Variants in NPHP4 observed in about 807,000 individuals in gnomAD.
The protein encoded by NPHP4 is nephrocystin-4.
Under a neutral mutation model 155.8 loss-of-function variants are expected in NPHP4, and 151 were observed. The ratio of observed to expected loss-of-function variants is 0.97; its 90% CI spans 0.85 to 1.11. NPHP4 has a LOEUF of 1.11. NPHP4 is among the 50% of genes least tolerant of loss of function. The probability of loss-of-function intolerance (pLI) is 0.00; values close to 1 mark genes in which losing one functional copy is unlikely to be tolerated. For synonymous variants in NPHP4, 845 were observed against 816.8 expected, an observed-to-expected ratio of 1.03 and a Z score of -0.59; for missense variants, 1,956 against 1,925.7, an observed-to-expected ratio of 1.02 and a Z score of -0.29.
Position 5,961,827 on chromosome 1 carries a change from T to C in NPHP4, c.640A>G (p.Ile214Val). 6.2e-7 allele frequency: 1 copy of C among 1,613,402 alleles called. No homozygotes were observed. Among genetic ancestry groups the C allele is most frequent in the Non-Finnish European group, 8.5e-7 (1 of 1,179,628 alleles). ...ENLLVSGLQQ[I>V]PGLLPAHGES... ...CCATGAGCTGGAAGCAGGCCAGGTA[T>C]CTGCTGCAGACCAGACACCAGAAGG... The change falls in exon 6 of 30, where the codon ATA becomes GTA. Residue 214 changes from isoleucine to valine, a missense_variant. By Grantham distance (29) the Ile-to-Val change is conservative. Transcript: ENST00000378156.
At chr1:5,865,063 T>G (rs201246623) in intron 27 of NPHP4, 39 bp downstream of exon 27, 1 of 1,597,576 alleles carries the variant, frequency 6.3e-7, no homozygotes, top group Non-Finnish European at 8.6e-7. Flanking sequence ...CAGGCTGGGG[T>G]TGGGGAGAGG....
At chr1:5,863,461 C>T (rs1640849867) in intron 29 of NPHP4, 56 bp from the exon 30 acceptor site, 1 of 1,584,570 alleles carries the variant, frequency 6.3e-7, no homozygotes, top group Non-Finnish European at 8.6e-7. Context: ...CACGCTCTCA[C>T]CAGCAACCTC....
chr1:5,913,137 G>C (rs1367017539), intron 11 of NPHP4, among the ~76,000 whole-genome samples: 1 of 139,806 alleles, frequency 7.2e-6, no homozygotes, highest in East Asian at 2.1e-4. Context: ...GGCAAAAAGA[G>C]TGAGACTCCA....
At chr1:5,954,599 G>A (rs576602552) in intron 6 of NPHP4, among the ~76,000 whole-genome samples, 2 of 152,290 alleles carry the variant, frequency 1.3e-5, no homozygotes, top group East Asian at 1.9e-4. Flanking sequence ...CTGGGGAAAA[G>A]GCAGTCTCTT....
intron 5 of NPHP4, among the ~76,000 whole-genome samples, chr1:5,964,953 T>TTTTTTTTTTTTTTTTTTTTTTTTTTTTG: frequency 8.7e-6 from 1 of 114,778 alleles, no homozygotes; most frequent in African/African-American, 3.2e-5. Flanking sequence ...TTTTTTTTTT[T>TTTTTTTTTTTTTTTTTTTTTTTTTTTTG]GAGGCAGGGT....
intron 23 of NPHP4, among the ~76,000 whole-genome samples, chr1:5,872,696 A>G (rs1342648346): frequency 1.3e-5 from 2 of 152,258 alleles, no homozygotes; most frequent in Non-Finnish European, 2.9e-5. Flanking sequence ...AAGCTTTTTA[A>G]TTTTGTTTTT....
chr1:5,923,084 CA>C (rs1414075316), intron 11 of NPHP4, among the ~76,000 whole-genome samples: 1 of 152,198 alleles, frequency 6.6e-6, no homozygotes, highest in Non-Finnish European at 1.5e-5. Context: ...AGGCGGAGAG[CA>C]TGAGCCAAGA....
intron 13 of NPHP4, among the ~76,000 whole-genome samples, chr1:5,906,073 G>A (rs528408986): frequency 6.6e-5 from 10 of 152,364 alleles, no homozygotes; most frequent in Admixed American, 6.5e-4. Flanking sequence ...AATCCAATGT[G>A]TGAGTTGAGA....
intron 2 of NPHP4, among the ~76,000 whole-genome samples, chr1:5,985,800 T>C (rs1167935117): frequency 1.3e-5 from 2 of 152,246 alleles, no homozygotes; most frequent in Admixed American, 6.5e-5. Flanking sequence ...GATGGGACTC[T>C]ATCCTGTTTA....
In NPHP4 at chr1:5,890,830, C is replaced by T; in HGVS notation, c.2304+38G>A. 2 of 1,584,096 alleles carry T rather than the reference C, an allele frequency of 1.3e-6. No homozygotes were observed. Among genetic ancestry groups the T allele is most frequent in the Non-Finnish European group, 1.7e-6 (2 of 1,159,336 alleles). On this transcript the variant is annotated intron_variant, in intron 17 of 29. Transcript: ENST00000378156. This position sits in a 1 kb window ranked among gnomAD's most constrained non-coding sequence, Gnocchi z 4.9. ...AGCGTGACTCGTCCCATGAGGGACG[C>T]AGCACCCACTGTGCCTGTCCTTCCA... is the stretch of plus-strand genomic sequence containing the variant.
chr1:5,991,421 C>T (rs1267874434), intron 1 of NPHP4: 2 of 152,286 alleles, frequency 1.3e-5, no homozygotes, highest in East Asian at 1.9e-4. Flanking sequence ...CAGAAATACT[C>T]CTCCTTTTGC....
At chr1:5,981,751 T>C (rs531215823) in intron 2 of NPHP4, among the ~76,000 whole-genome samples, 1 of 152,378 alleles carries the variant, frequency 6.6e-6, no homozygotes, top group East Asian at 1.9e-4. Context: ...TGATTGATCT[T>C]TGTAAATAAA....
chr1:5,964,941 A>ATATATATATATATTTTTTTTTTTTTTTT, intron 5 of NPHP4, among the ~76,000 whole-genome samples: 3 of 59,404 alleles, frequency 5.1e-5, no homozygotes, highest in African/African-American at 2.5e-4. Flanking sequence ...ATATATATAT[A>ATATATATATATATTTTTTTTTTTTTTTT]TTTTTTTTTT....
chr1:5,863,560 C>G, intron 29 of NPHP4, 155 bp from the exon 30 acceptor site: 2 of 823,886 alleles, frequency 2.4e-6, no homozygotes, highest in African/African-American at 1.7e-5. Context: ...ACTTCAGCGC[C>G]CGGTACAAGG....
rs114345763 is a variant in NPHP4 at position 5,962,528 on chromosome 1, G to A, written c.518-579C>T. ...TGCCTGCCTTTGTGTGTCAGCACTT[G>A]TATCCACCAAGCCCCAAACGGAGGA... is the stretch of plus-strand genomic sequence containing the variant. On this transcript the variant is annotated intron_variant, in intron 5 of 29. Coordinates refer to ENST00000378156, the MANE Select transcript of NPHP4 (RefSeq NM_015102.5). Among the ~76,000 whole-genome samples the A allele has an allele frequency of 3.4e-3, 520 of 152,296 alleles. 4 individuals are homozygous for A. The highest frequency in any genetic ancestry group is 0.012 in the African/African-American group (498 of 41,564).
chr1:5,982,931 C>T (rs913588148), intron 2 of NPHP4, among the ~76,000 whole-genome samples: 3 of 152,144 alleles, frequency 2.0e-5, no homozygotes, highest in Non-Finnish European at 4.4e-5. Context: ...TTTAATGGCC[C>T]AGCATACGGT....
chr1:5,908,760 A>G (rs991545014), intron 12 of NPHP4, among the ~76,000 whole-genome samples: 8 of 152,338 alleles, frequency 5.3e-5, no homozygotes, highest in African/African-American at 1.7e-4. Context: ...GGGGACACCA[A>G]TAGCTGCCAG....
In NPHP4 at chr1:5,874,924, G is replaced by A; in HGVS notation, c.2994C>T (p.Pro998=). The change falls in exon 21 of 30, where the codon CCC becomes CCT. Residue 998 remains proline (P), a synonymous_variant. Transcript: ENST00000378156. The part of the protein sequence containing the change: ...AEFFEFVLKN[P]HNTQHTVTVE... ...CAGTCACCGTGTGCTGTGTGTTGTG[G>A]GGGTTCTTAAGCACAAACTCAAAGA... The A allele has an allele frequency of 1.9e-6, 3 of 1,613,790 alleles. No individual in the cohort carries two copies. Among genetic ancestry groups the A allele is most frequent in the South Asian group, 1.1e-5 (1 of 91,080 alleles).
At chr1:5,868,454 G>A in intron 23 of NPHP4, 1 of 230,340 alleles carries the variant, frequency 4.3e-6, no homozygotes, top group East Asian at 1.1e-4. Flanking sequence ...GTATTAATTG[G>A]GACAACTGAT....
Sources: gnomAD v4.1 joint callset for allele counts (sites outside exome capture counted in the v4.1 genomes callset) on GRCh38, gnomAD v4.1.1 for gene constraint, Gnocchi (gnomAD v3.1) non-coding constraint, MANE v1.5 for transcripts, NCBI Gene and HGNC (gene_info 2026-07-23, HGNC 2026-07-21) for gene names.